GAREM2: variants seen among roughly 807,000 people sequenced by gnomAD.
GAREM2 encodes the protein GRB2 associated regulator of MAPK1 subtype 2.
A neutral mutation model predicts 55.6 loss-of-function variants in GAREM2; 30 were observed. The observed-to-expected ratio is 0.54, with a 90% confidence interval of 0.40 to 0.73. GAREM2 has a LOEUF of 0.73. GAREM2 is among the 30% of genes least tolerant of loss of function. GAREM2 has a pLI of 0.00. For missense variants in GAREM2, 1,075 were observed against 1,257.7 expected (o/e 0.85, Z 2.20); for synonymous variants, 550 against 569.1 (o/e 0.97, Z 0.48).
At chr2:26,183,476 C>T (rs1669122464) in intron 3 of GAREM2, among the ~76,000 whole-genome samples, 2 of 142,186 alleles carry the variant, frequency 1.4e-5, no homozygotes, top group South Asian at 2.1e-4. Flanking sequence ...GTAATCCCAA[C>T]ACTTTGGGAG....
At chr2:26,176,528 G>T in intron 2 of GAREM2, 44 bp downstream of exon 2, 1 of 1,444,314 alleles carries the variant, frequency 6.9e-7, no homozygotes, top group Non-Finnish European at 9.2e-7. Flanking sequence ...GTAGGGGGGT[G>T]TAGGCAGGAG....
rs965545109 is a variant in GAREM2 at position 26,176,341 on chromosome 2, C to T, written c.113-3C>T. On this transcript the variant is annotated splice_region_variant and splice_polypyrimidine_tract_variant and intron_variant, in intron 1 of 5. Transcript: ENST00000401533. ...CATCCTCTGTCCTCCTCCCCCTTCC[C>T]AGGGGAGTACGCCGAGGGCGTCAGT... The T allele has an allele frequency of 6.5e-7, 1 of 1,537,770 alleles. No individual in the cohort carries two copies. Among genetic ancestry groups the T allele is most frequent in the Admixed American group, 2.0e-5 (1 of 49,706 alleles).
At position 26,185,002 on chromosome 2, in the gene GAREM2, C is replaced by T; in HGVS notation, c.1154C>T (p.Pro385Leu). The T allele has an allele frequency of 2.7e-6, 3 of 1,104,996 alleles. No homozygotes were observed. Among genetic ancestry groups the T allele is most frequent in the Non-Finnish European group, 3.3e-6 (3 of 908,178 alleles). The allele number at this position is 1,104,996 out of a possible 1,614,324, so 68.4% of individuals were successfully genotyped here. The change falls in exon 4 of 6, where the codon CCG becomes CTG. Residue 385 changes from proline to leucine, a missense_variant. Transcript: ENST00000401533. ...PRRARLCLPA[P>L]RAPGLARAPG... ...CGCGCGCGCCTCTGCCTGCCCGCGC[C>T]GCGCGCCCCCGGGCTCGCCCGCGCC...
chr2:26,198,661 T>A, the GAREM2 span, among the ~76,000 whole-genome samples: 1 of 148,728 alleles, frequency 6.7e-6, no homozygotes. Context: ...CCTTAAGATT[T>A]AAAAAAAAAA....
Position 26,178,429 on chromosome 2 carries a change from A to G in GAREM2, c.253+1945A>G, listed in dbSNP as rs1441833322. Among the ~76,000 whole-genome samples the G allele has an allele frequency of 5.3e-5, 8 of 151,998 alleles. No homozygotes were observed. In the East Asian group the frequency reaches 1.6e-3, roughly 29 times the overall value. On this transcript the variant is annotated intron_variant, in intron 2 of 5. Coordinates refer to ENST00000401533, the MANE Select transcript of GAREM2 (RefSeq NM_001168241.2). The stretch of plus-strand genomic sequence containing the variant: ...CAAACAACCCCCCCCCCCAACAACA[A>G]ATAAATTAGCTAGGCGTGGTGGCGC...
At position 26,173,268 on chromosome 2, in the gene GAREM2, C is replaced by A; in HGVS notation, c.48C>A (p.Gly16=). ...TGGCCGGCCTGCGCTGGAGCATGGG[C>A]GCCTTCCCGCTCGACCTCATCGTCA... is the stretch of plus-strand genomic sequence containing the variant. ...AGLAGLRWSM[G]AFPLDLIVSR... Residue 16 remains glycine (G), a synonymous_variant, in exon 1 of 6, where the codon GGC becomes GGA. Coordinates refer to ENST00000401533, the MANE Select transcript of GAREM2 (RefSeq NM_001168241.2). 1 of 1,423,574 alleles carries A rather than the reference C, an allele frequency of 7.0e-7. No individual in the cohort carries two copies. Among genetic ancestry groups the A allele is most frequent in the Non-Finnish European group, 9.2e-7 (1 of 1,084,722 alleles). 88.2% of individuals were successfully genotyped at this position (1,423,574 alleles called of 1,614,324 possible).
downstream of GAREM2, chr2:26,192,239 A>C (rs75736994): frequency 6.2e-3 from 5,039 of 806,758 alleles, 165 homozygotes; most frequent in African/African-American, 0.07. Flanking sequence ...AAAAAATGGA[A>C]GAGGGGCTGG....
Position 26,173,340 on chromosome 2 carries a change from G to T in GAREM2, c.112+8G>T. 1 of 1,367,756 alleles carries T rather than the reference G, an allele frequency of 7.3e-7. No homozygotes were observed. The highest frequency in any genetic ancestry group is 9.5e-7 in the Non-Finnish European group (1 of 1,051,982). 84.7% of individuals were successfully genotyped at this position (1,367,756 alleles called of 1,614,324 possible). A position where few individuals can be genotyped will look rare whatever the true frequency, so the allele number is the denominator to read the frequency against. On this transcript the variant is annotated splice_region_variant and intron_variant, in intron 1 of 5. Transcript: ENST00000401533. ...TCGCCTGCCTTGGGCCAGGTACCGG[G>T]GTCGCTGGAGATGGGGACCGGGGTC...
At chr2:26,182,097 G>A in intron 2 of GAREM2, 13 of 1,079,614 alleles carry the variant, frequency 1.2e-5, no homozygotes, top group Non-Finnish European at 1.3e-5. Context: ...AGATGCCAGG[G>A]CGGCTCAGAG....
rs1286979796 is a variant in GAREM2, at chr2:26,183,063, T to A, written c.350T>A (p.Ile117Asn). Reference sequence around the variant, plus strand: ...GTGGCCAGTGTCTTCCCTGACCGCATCTTCGTGATGGAAGCCATCACCTTC... The same window carrying A: ...GTGGCCAGTGTCTTCCCTGACCGCAACTTCGTGATGGAAGCCATCACCTTC... ...EEVASVFPDR[I>N]FVMEAITFSV... The change falls in exon 3 of 6, where the codon ATC (isoleucine) becomes AAC (asparagine). Residue 117 changes from isoleucine (I) to asparagine (N), a missense_variant. Transcript: ENST00000401533. The A allele has an allele frequency of 7.7e-6, 12 of 1,551,564 alleles. No homozygotes were observed. The highest frequency in any genetic ancestry group is 3.5e-6 in the Non-Finnish European group (4 of 1,146,968).
the GAREM2 span, chr2:26,195,101 A>G: frequency 6.2e-7 from 1 of 1,613,374 alleles, no homozygotes; most frequent in Non-Finnish European, 8.5e-7. Flanking sequence ...CCTTAACCAC[A>G]ATGATGACCT....
chr2:26,191,578 T>G (rs1393373221), downstream of GAREM2: 14 of 1,613,880 alleles, frequency 8.7e-6, no homozygotes, highest in Non-Finnish European at 1.2e-5. Context: ...CATGACTGCC[T>G]CATTCACAAA....
At chr2:26,198,364 T>C in the GAREM2 span, among the ~76,000 whole-genome samples, 3 of 126,448 alleles carry the variant, frequency 2.4e-5, no homozygotes, top group Non-Finnish European at 4.8e-5. Flanking sequence ...TCCCAACTTA[T>C]TCATGTTTTT....
chr2:26,191,263 T>C, downstream of GAREM2: 9 of 1,612,626 alleles, frequency 5.6e-6, no homozygotes, highest in Non-Finnish European at 7.6e-6. Flanking sequence ...CTGGTAGAAC[T>C]TCTTGTTAGG....
chr2:26,201,709 G>A, the GAREM2 span, among the ~76,000 whole-genome samples: 1 of 152,116 alleles, frequency 6.6e-6, no homozygotes, highest in South Asian at 2.1e-4. Context: ...AGGGGAAGCA[G>A]CCAAAGTGTG....
chr2:26,173,266 G>C lies in GAREM2; in HGVS notation c.46G>C (p.Gly16Arg). Reference protein sequence around the residue: ...AGLAGLRWSMGAFPLDLIVSR... With the variant: ...AGLAGLRWSMRAFPLDLIVSR... ...GCTGGCCGGCCTGCGCTGGAGCATG[G>C]GCGCCTTCCCGCTCGACCTCATCGT... Residue 16 changes from glycine to arginine, a missense_variant, in exon 1 of 6, where the codon GGC becomes CGC. Gly to Arg is a moderately radical substitution (Grantham distance 125, BLOSUM62 -2). Around this residue, in one of 6 missense-constraint regions of GAREM2, gnomAD observed 230 missense variants for 310.6 expected, o/e 0.74. Transcript: ENST00000401533. The C allele has an allele frequency of 4.2e-6, 6 of 1,422,352 alleles. No homozygotes were observed. Among genetic ancestry groups the C allele is most frequent in the Non-Finnish European group, 5.5e-6 (6 of 1,084,054 alleles). The allele number at this position is 1,422,352 out of a possible 1,614,324, so 88.1% of individuals were successfully genotyped here.
At chr2:26,191,448 T>A (rs756431871), downstream of GAREM2, 2 of 1,613,962 alleles carry the variant, frequency 1.2e-6, no homozygotes, top group South Asian at 2.2e-5. Flanking sequence ...GGCTCCAGGC[T>A]AAAGTGAGCT....
rs1445045908 is a variant in GAREM2, at chr2:26,188,379, A to T, written c.*122A>T. 6.9e-6 allele frequency: 5 copies of T among 724,976 alleles called. No individual in the cohort carries two copies. Among genetic ancestry groups the T allele is most frequent in the South Asian group, 2.3e-5 (1 of 43,526 alleles). The allele number at this position is 724,976 out of a possible 1,614,324, so 44.9% of individuals were successfully genotyped here. On this transcript the variant is annotated 3_prime_UTR_variant, in exon 6 of 6. Transcript: ENST00000401533. ...TCGAGACTGAGGCTGCTCAGCAGCC[A>T]CTGGGTGGATCCAGGGGAGATGCAT...
intron 3 of GAREM2, among the ~76,000 whole-genome samples, chr2:26,183,381 G>T (rs1239513268): frequency 6.6e-6 from 1 of 152,216 alleles, no homozygotes; most frequent in African/African-American, 2.4e-5. Flanking sequence ...AGCTGCCCCA[G>T]CACCCACTTG....
Sources: allele counts gnomAD v4.1 joint callset (sites outside exome capture counted in the v4.1 genomes callset), GRCh38; gene constraint gnomAD v4.1.1; regional missense constraint gnomAD v4.1.1; transcripts MANE v1.5; gene names NCBI Gene and HGNC (gene_info 2026-07-23, HGNC 2026-07-21).